The following OSBPL2 variants were observed in gnomAD, a reference collection of about 807,000 sequenced individuals.
OSBPL2 encodes oxysterol binding protein like 2.
OSBPL2 carries 18 observed loss-of-function variants against 58.4 expected under a neutral mutation model. The ratio of observed to expected loss-of-function variants is 0.31; its 90% CI spans 0.21 to 0.46. The LOEUF (loss-of-function observed/expected upper bound fraction) is 0.46, where lower values mean the gene tolerates loss of function less well. Ranked by LOEUF, OSBPL2 falls within the 20% of genes least tolerant of loss-of-function variation. OSBPL2 has a pLI of 1.00. For synonymous variants in OSBPL2, 221 were observed against 234.1 expected (o/e 0.94, Z 0.51); for missense variants, 461 against 616.5 (o/e 0.75, Z 2.67).
intron 2 of OSBPL2, 30 bp from the exon 3 acceptor site, chr20:62,259,951 C>T (rs758740090): frequency 1.0e-5 from 16 of 1,601,686 alleles, no homozygotes; most frequent in South Asian, 1.1e-5. Context: ...TCAGGTCCAG[C>T]GAAAATGACC....
rs1983833671 is a variant in OSBPL2 at position 62,295,939 on chromosome 20, G to T, written c.*2052G>T. The T allele has an allele frequency of 1.3e-5, 2 of 152,180 alleles. No individual in the cohort carries two copies. The highest frequency in any genetic ancestry group is 4.8e-5 in the African/African-American group (2 of 41,444). 9.4% of individuals were successfully genotyped at this position (152,180 alleles called of 1,614,324 possible). On this transcript the variant is annotated 3_prime_UTR_variant, in exon 14 of 14. Transcript: ENST00000313733. The surrounding 1 kb of genome is among the most constrained non-coding windows in gnomAD (Gnocchi z 4.8). Reference sequence around the variant, plus strand: ...AGGACCAGGCTCCTGGTATTTCAGGGGCTGGTTGGCTGCACAGACAGCCCC... The same window carrying T: ...AGGACCAGGCTCCTGGTATTTCAGGTGCTGGTTGGCTGCACAGACAGCCCC...
At chr20:62,252,704 A>C (rs1247887140) in intron 1 of OSBPL2, among the ~76,000 whole-genome samples, 1 of 152,230 alleles carries the variant, frequency 6.6e-6, no homozygotes, top group Non-Finnish European at 1.5e-5. Flanking sequence ...TCGTTTAATT[A>C]GGTCGCGGTT....
chr20:62,247,229 G>T (rs1030495863), intron 1 of OSBPL2, among the ~76,000 whole-genome samples: 1 of 152,236 alleles, frequency 6.6e-6, no homozygotes, highest in African/African-American at 2.4e-5. Flanking sequence ...TGATGTGCAC[G>T]TCGGCTTGAG....
intron 1 of OSBPL2, among the ~76,000 whole-genome samples, chr20:62,243,178 C>G (rs1979846624): frequency 6.6e-6 from 1 of 152,242 alleles, no homozygotes. Flanking sequence ...TGGGGCTACC[C>G]TCTTACTGTG....
intron 12 of OSBPL2, among the ~76,000 whole-genome samples, chr20:62,290,694 A>T (rs1601204843): frequency 6.7e-6 from 1 of 149,100 alleles, no homozygotes; most frequent in South Asian, 2.1e-4. Flanking sequence ...TGCTGGGATT[A>T]CAGGCATGAA....
At position 62,263,549 on chromosome 20, in the gene OSBPL2, C is replaced by T. The variant is rs1981455149; in HGVS notation, c.183-67C>T. On this transcript the variant is annotated intron_variant, in intron 3 of 13. Transcript: ENST00000313733. ...ATTAAAGAGAAATCGTCATTGAGCA[C>T]AGCCTCCTTGAGTGGTCAGAGTCCT... 5 of 1,206,510 alleles carry T rather than the reference C, an allele frequency of 4.1e-6. No homozygotes were observed. The South Asian group carries it at 4.8e-5, about 12-fold the overall frequency. The allele number at this position is 1,206,510 out of a possible 1,614,324, so 74.7% of individuals were successfully genotyped here.
rs201837368 is a variant in OSBPL2 at position 62,279,296 on chromosome 20, G to A, written c.631G>A (p.Val211Met). ...YPKLKFWGKS[V>M]EAEPRGTITL... ...CAAGCTCAAGTTCTGGGGCAAAAGCGTGGAGGCGGAGCCCCGAGGCACCAT... is the reference window on the plus strand; with the variant it reads ...CAAGCTCAAGTTCTGGGGCAAAAGCATGGAGGCGGAGCCCCGAGGCACCAT... Residue 211 changes from valine (V) to methionine (M), a missense_variant, in exon 7 of 14, where the codon GTG (valine) becomes ATG (methionine). Val to Met is a conservative substitution (Grantham distance 21, BLOSUM62 1). Transcript: ENST00000313733. The A allele has an allele frequency of 1.9e-5, 31 of 1,614,122 alleles. No homozygotes were observed. Among genetic ancestry groups the A allele is most frequent in the South Asian group, 1.2e-4 (11 of 91,090 alleles).
chr20:62,279,130 G>A, intron 6 of OSBPL2, 27 bp from the exon 7 acceptor site: 1 of 1,583,454 alleles, frequency 6.3e-7, no homozygotes. Flanking sequence ...CCATTAATGT[G>A]TCTCTCTTTT....
At chr20:62,283,910 T>C (rs1982947283) in intron 9 of OSBPL2, 136 bp from the exon 10 acceptor site, 1 of 852,464 alleles carries the variant, frequency 1.2e-6, no homozygotes, top group African/African-American at 1.7e-5. Context: ...ATTTTCACCT[T>C]CGCATTTATG....
chr20:62,250,353 G>A (rs1030693447), intron 1 of OSBPL2, among the ~76,000 whole-genome samples: 2 of 152,212 alleles, frequency 1.3e-5, no homozygotes, highest in Non-Finnish European at 2.9e-5. Context: ...GGCTGTGTTG[G>A]AATTCACTGT....
intron 1 of OSBPL2, among the ~76,000 whole-genome samples, chr20:62,253,853 G>T (rs1175672757): frequency 6.6e-6 from 1 of 152,068 alleles, no homozygotes; most frequent in Admixed American, 6.5e-5. Flanking sequence ...GTGCAGGGGC[G>T]TGATCTTGGC....
chr20:62,259,667 T>G (rs374081451), intron 2 of OSBPL2, among the ~76,000 whole-genome samples: 13 of 152,056 alleles, frequency 8.5e-5, no homozygotes, highest in African/African-American at 3.1e-4. Context: ...AGGTCACAGA[T>G]TAAAATGATG....
intron 4 of OSBPL2, among the ~76,000 whole-genome samples, chr20:62,265,876 A>G (rs1601172093): frequency 6.6e-6 from 1 of 152,210 alleles, no homozygotes; most frequent in Non-Finnish European, 1.5e-5. Flanking sequence ...TCATGCCCTC[A>G]GGAAAGCTGA....
intron 1 of OSBPL2, among the ~76,000 whole-genome samples, chr20:62,245,025 AG>A (rs1223302283): frequency 1.3e-5 from 2 of 152,018 alleles, no homozygotes; most frequent in African/African-American, 2.4e-5. Context: ...CGCGTAGCAC[AG>A]GGCCTTCCCG....
chr20:62,273,175 C>T (rs540580534), intron 5 of OSBPL2, 134 bp from the exon 6 acceptor site: 75 of 720,378 alleles, frequency 1.0e-4, no homozygotes, highest in Non-Finnish European at 1.6e-4. Flanking sequence ...ACACACTGCT[C>T]GGGGAAAACT....
At chr20:62,281,305 A>T (rs1233225671) in intron 8 of OSBPL2, 140 bp downstream of exon 8, 2 of 629,832 alleles carry the variant, frequency 3.2e-6, no homozygotes, top group African/African-American at 1.8e-5. Flanking sequence ...GCCCAGGCAT[A>T]GCAGCTGCCT....
At chr20:62,246,000 T>G (rs905336124) in intron 1 of OSBPL2, among the ~76,000 whole-genome samples, 2 of 152,180 alleles carry the variant, frequency 1.3e-5, no homozygotes, top group African/African-American at 2.4e-5. Context: ...CCTGGCGGTG[T>G]CCTTGACGGC....
At chr20:62,292,850 A>G (rs1021173982) in intron 13 of OSBPL2, among the ~76,000 whole-genome samples, 6 of 151,990 alleles carry the variant, frequency 3.9e-5, no homozygotes, top group Non-Finnish European at 5.9e-5. Context: ...AATCCAGAGA[A>G]AAATCAGCTT....
chr20:62,258,390 A>G (rs1011867101), intron 2 of OSBPL2, among the ~76,000 whole-genome samples: 2 of 152,232 alleles, frequency 1.3e-5, no homozygotes, highest in African/African-American at 4.8e-5. Flanking sequence ...TTATTAAATG[A>G]ATGACTTCAT....
Sources: allele counts gnomAD v4.1 joint callset (sites outside exome capture counted in the v4.1 genomes callset), GRCh38; gene constraint gnomAD v4.1.1; non-coding constraint Gnocchi (gnomAD v3.1); transcripts MANE v1.5; gene names NCBI Gene and HGNC (gene_info 2026-07-23, HGNC 2026-07-21).